The following ABCC12 variants were observed in gnomAD, a reference collection of about 807,000 sequenced individuals.
ABCC12 encodes ATP binding cassette subfamily C member 12.
A neutral mutation model predicts 151.1 loss-of-function variants in ABCC12; 142 were observed. The ratio of observed to expected loss-of-function variants is 0.94; its 90% CI spans 0.82 to 1.08. The LOEUF is 1.08. ABCC12 is among the 50% of genes least tolerant of loss of function. The pLI is 0.00. For missense variants in ABCC12, 1,638 were observed against 1,691.1 expected, an observed-to-expected ratio of 0.97 and a Z score of 0.55; for synonymous variants, 645 against 646.4, an observed-to-expected ratio of 1.00 and a Z score of 0.03.
At chr16:48,101,046 A>G in intron 22 of ABCC12, 37 bp from the exon 23 acceptor site, 1 of 1,608,252 alleles carries the variant, frequency 6.2e-7, no homozygotes, top group Non-Finnish European at 8.5e-7. Context: ...TGGGCCACAA[A>G]GTGAGGTCTC....
intron 27 of ABCC12, 151 bp from the exon 28 acceptor site, chr16:48,086,970 G>A (rs1023964398): frequency 1.5e-6 from 1 of 686,592 alleles, no homozygotes; most frequent in African/African-American, 1.8e-5. Flanking sequence ...CAGGACAGTG[G>A]TCCACAAAAT....
intron 9 of ABCC12, among the ~76,000 whole-genome samples, chr16:48,132,847 T>C (rs1424357783): frequency 6.6e-6 from 1 of 152,200 alleles, no homozygotes; most frequent in African/African-American, 2.4e-5. Context: ...ACAACAGTGC[T>C]GATTGTGGCT....
At chr16:48,084,259 T>A (rs1269153318) in intron 29 of ABCC12, among the ~76,000 whole-genome samples, 186 bp from the exon 30 acceptor site, 1 of 152,146 alleles carries the variant, frequency 6.6e-6, no homozygotes, top group East Asian at 1.9e-4. Flanking sequence ...TCACATCACA[T>A]CACCTCCATC....
In ABCC12 at chr16:48,128,454, C is replaced by T. The variant is rs372477204; in HGVS notation, c.1515+5G>A. 6.2e-6 allele frequency: 10 copies of T among 1,613,386 alleles called. No individual in the cohort carries two copies. Among genetic ancestry groups the T allele is most frequent in the Non-Finnish European group, 8.5e-6 (10 of 1,179,468 alleles). On this transcript the variant is annotated splice_donor_5th_base_variant and intron_variant, in intron 11 of 30. Transcript: ENST00000311303. Reference sequence around the variant, plus strand: ...GGAGGCCACACCTGTGCAACACACACCCACCTTTCTCACCACAAAGCTTAT... The same window carrying T: ...GGAGGCCACACCTGTGCAACACACATCCACCTTTCTCACCACAAAGCTTAT...
Position 48,128,568 on chromosome 16 carries a change from G to A in ABCC12, c.1406C>T (p.Ser469Leu). The change falls in exon 11 of 31, where the codon TCA becomes TTA. Residue 469 changes from serine (S) to leucine (L), a missense_variant. Coordinates refer to ENST00000311303, the MANE Select transcript of ABCC12 (RefSeq NM_001393797.1). ...TGGACTCCTCTCACTGTATGCCTCT[G>A]ACCTCTGTTTCTTGCATAAATGCCT... The part of the protein sequence containing the change: ...QKRHLCKKQR[S>L]EAYSERSPPA... 1 of 1,614,194 alleles carries A rather than the reference G, an allele frequency of 6.2e-7. No individual in the cohort carries two copies. The highest frequency in any genetic ancestry group is 8.5e-7 in the Non-Finnish European group (1 of 1,180,040).
At chr16:48,126,892 C>G (rs899003759) in intron 11 of ABCC12, among the ~76,000 whole-genome samples, 10 of 152,168 alleles carry the variant, frequency 6.6e-5, no homozygotes, top group African/African-American at 2.4e-4. Context: ...AGCACATTAG[C>G]AAAGCCATTG....
intron 18 of ABCC12, 45 bp downstream of exon 18, chr16:48,111,391 A>G: frequency 6.3e-7 from 1 of 1,594,142 alleles, no homozygotes; most frequent in African/African-American, 1.3e-5. Flanking sequence ...TAGATGCCCA[A>G]TACATCCTTA....
At chr16:48,146,871 GCACACACATGCA>G (rs1965022052) in intron 2 of ABCC12, 1 of 187,596 alleles carries the variant, frequency 5.3e-6, no homozygotes, top group African/African-American at 2.4e-5. Flanking sequence ...ATGCACACAT[GCACACACATGCA>G]CACACACATC....
At chr16:48,107,045 G>C (rs1963516268) in intron 20 of ABCC12, among the ~76,000 whole-genome samples, 1 of 152,194 alleles carries the variant, frequency 6.6e-6, no homozygotes, top group Non-Finnish European at 1.5e-5. Context: ...ACCCAATCTT[G>C]TACGTGCCTG....
chr16:48,105,414 C>A (rs1471217199), intron 20 of ABCC12, 78 bp from the exon 21 acceptor site: 4 of 1,403,542 alleles, frequency 2.8e-6, no homozygotes, highest in Non-Finnish European at 2.9e-6. Context: ...GAGAATCTTT[C>A]CAGAGAGAAG....
chr16:48,097,559 C>T (rs79090840), intron 23 of ABCC12, among the ~76,000 whole-genome samples: 2,306 of 152,216 alleles, frequency 0.015, 59 homozygotes, highest in African/African-American at 0.053. Flanking sequence ...AAGCACAGAG[C>T]GGAGTGACAG....
chr16:48,146,178 A>G, intron 3 of ABCC12, 128 bp downstream of exon 3: 2 of 796,812 alleles, frequency 2.5e-6, no homozygotes, highest in Non-Finnish European at 4.3e-6. Flanking sequence ...GAACGTGTGC[A>G]TGGGTGGACG....
intron 7 of ABCC12, 132 bp downstream of exon 7, chr16:48,139,031 A>C (rs1964708103): frequency 9.1e-7 from 1 of 1,100,066 alleles, no homozygotes; most frequent in Admixed American, 2.6e-5. Context: ...CTCTGTGCCA[A>C]AGGAAGTAAA....
chr16:48,118,051 G>A (rs1963948259), intron 13 of ABCC12, among the ~76,000 whole-genome samples: 1 of 152,180 alleles, frequency 6.6e-6, no homozygotes, highest in African/African-American at 2.4e-5. Context: ...GCTTTGGGGA[G>A]TTTGACAGCC....
intron 11 of ABCC12, 38 bp downstream of exon 11, chr16:48,128,421 G>C: frequency 6.2e-7 from 1 of 1,604,882 alleles, no homozygotes; most frequent in Non-Finnish European, 8.5e-7. Flanking sequence ...AATGCAAGGA[G>C]GAGGGCTGGA....
chr16:48,115,419 A>G lies in ABCC12; in HGVS notation c.1985T>C (p.Leu662Pro). The G allele has an allele frequency of 1.2e-6, 2 of 1,614,008 alleles. No homozygotes were observed. Among genetic ancestry groups the G allele is most frequent in the Non-Finnish European group, 1.7e-6 (2 of 1,179,944 alleles). The change falls in exon 15 of 31, where the codon CTA becomes CCA. Residue 662 changes from leucine (L) to proline (P), a missense_variant. Leu to Pro is a moderately conservative substitution (Grantham distance 98). Coordinates refer to ENST00000311303, the MANE Select transcript of ABCC12 (RefSeq NM_001393797.1). ...GKTVVLVTHQ[L>P]QFLESCDEVI... ...GGATCCTGCATGTCCCATCACCTGT[A>G]GCTGGTGGGTCACCAGGACGACTGT...
intron 29 of ABCC12, 86 bp downstream of exon 29, chr16:48,085,507 A>T: frequency 9.0e-7 from 1 of 1,116,104 alleles, no homozygotes; most frequent in Non-Finnish European, 1.4e-6. Context: ...TTGCTGAAAG[A>T]CATACACGTG....
chr16:48,110,071 C>T (rs568186201), intron 18 of ABCC12, among the ~76,000 whole-genome samples: 5 of 152,196 alleles, frequency 3.3e-5, no homozygotes, highest in South Asian at 2.1e-4. Flanking sequence ...CCCCAAATCC[C>T]GGGCAGCCTG....
chr16:48,139,861 G>T (rs1384113549), intron 6 of ABCC12, among the ~76,000 whole-genome samples: 1 of 152,164 alleles, frequency 6.6e-6, no homozygotes, highest in Non-Finnish European at 1.5e-5. Context: ...CCTACCACCT[G>T]TCTGAAGCGT....
Sources: allele counts gnomAD v4.1 joint callset (sites outside exome capture counted in the v4.1 genomes callset), GRCh38; gene constraint gnomAD v4.1.1; transcripts MANE v1.5; gene names NCBI Gene and HGNC (gene_info 2026-07-23, HGNC 2026-07-21).